Variants in TMEFF2 observed in about 807,000 individuals in gnomAD.
The protein encoded by TMEFF2 is transmembrane protein with EGF like and two follistatin like domains 2.
Under a neutral mutation model 53.8 loss-of-function variants are expected in TMEFF2, and 28 were observed. That is an observed-to-expected ratio of 0.52 (90% CI 0.39 to 0.71). The LOEUF (loss-of-function observed/expected upper bound fraction) is 0.71. Among genes scored for constraint, TMEFF2 ranks in the 30% least tolerant of loss-of-function variants. The pLI, the probability that TMEFF2 is intolerant of heterozygous loss-of-function variation, is 0.00. For synonymous variants in TMEFF2, 162 were observed against 166.3 expected, an observed-to-expected ratio of 0.97 and a Z score of 0.20; for missense variants, 353 against 455.2, an observed-to-expected ratio of 0.78 and a Z score of 2.04.
At chr2:192,193,823 C>T (rs1445866902) in intron 1 of TMEFF2, among the ~76,000 whole-genome samples, 1 of 137,324 alleles carries the variant, frequency 7.3e-6, no homozygotes, top group Non-Finnish European at 1.6e-5. Flanking sequence ...CTATTGAAAC[C>T]CAGCTCCTCT....
chr2:192,137,779 T>TTA (rs150700355), intron 4 of TMEFF2, among the ~76,000 whole-genome samples: 3 of 148,196 alleles, frequency 2.0e-5, no homozygotes, highest in Non-Finnish European at 4.5e-5. Context: ...TGTAATCTAT[T>TTA]TATATATATA....
chr2:191,953,232 G>A (rs1287363145), intron 9 of TMEFF2, among the ~76,000 whole-genome samples: 1 of 152,258 alleles, frequency 6.6e-6, no homozygotes, highest in Non-Finnish European at 1.5e-5. Flanking sequence ...TGATATAAAA[G>A]GTTGTTGTGA....
At chr2:192,052,042 A>G (rs956294084) in intron 5 of TMEFF2, among the ~76,000 whole-genome samples, 7 of 152,246 alleles carry the variant, frequency 4.6e-5, no homozygotes, top group African/African-American at 1.7e-4. Flanking sequence ...CAAAATGACT[A>G]CTAAGGAGTT....
At chr2:192,137,058 G>T (rs1309048163) in intron 4 of TMEFF2, among the ~76,000 whole-genome samples, 1 of 152,180 alleles carries the variant, frequency 6.6e-6, no homozygotes, top group African/African-American at 2.4e-5. Context: ...TACCGTTAAG[G>T]ATAAAGGATA....
At position 191,949,851 on chromosome 2, in the gene TMEFF2, T is replaced by G. The variant is rs1019987218; in HGVS notation, c.*460A>C. 9.1e-6 allele frequency: 9 copies of G among 985,892 alleles called. No homozygotes were observed. The African/African-American group carries it at 1.2e-4, about 13-fold the overall frequency. 61.1% of individuals were successfully genotyped at this position (985,892 alleles called of 1,614,324 possible). On this transcript the variant is annotated 3_prime_UTR_variant, in exon 10 of 10. Coordinates refer to ENST00000272771, the MANE Select transcript of TMEFF2 (RefSeq NM_016192.4). ...TATTTTTTCTCTTTTCCAATAACCA[T>G]CATTTCCCTTGATCTTGGAATCATT...
intron 7 of TMEFF2, among the ~76,000 whole-genome samples, chr2:191,972,296 C>T (rs1316233442): frequency 6.8e-6 from 1 of 147,694 alleles, no homozygotes; most frequent in Non-Finnish European, 1.5e-5. Context: ...AGGCACCCAC[C>T]ATCATGCCCA....
chr2:192,004,233 C>A (rs972627516), intron 5 of TMEFF2, among the ~76,000 whole-genome samples: 7 of 152,004 alleles, frequency 4.6e-5, no homozygotes, highest in African/African-American at 1.7e-4. Flanking sequence ...AGAGGGGGTT[C>A]CTGAAGAACT....
At chr2:192,165,947 C>CA (rs1690754548) in intron 4 of TMEFF2, among the ~76,000 whole-genome samples, 2 of 152,058 alleles carry the variant, frequency 1.3e-5, no homozygotes, top group African/African-American at 4.8e-5. Context: ...GTTTTTGAAA[C>CA]ATTATTCAGT....
chr2:192,101,920 C>G (rs1218833604), intron 4 of TMEFF2, among the ~76,000 whole-genome samples: 2 of 152,104 alleles, frequency 1.3e-5, no homozygotes, highest in African/African-American at 4.8e-5. Flanking sequence ...AAGTTCTGTG[C>G]TTTACAGTTT....
At chr2:191,964,378 CTT>C (rs1284502286) in intron 7 of TMEFF2, among the ~76,000 whole-genome samples, 1,802 of 23,980 alleles carry the variant, frequency 0.075, 13 homozygotes, top group East Asian at 0.16. Context: ...CTTTCTCTTT[CTT>C]TCTTTCTTTC....
intron 5 of TMEFF2, chr2:192,037,852 A>G (rs1183907627): frequency 6.6e-6 from 1 of 152,134 alleles, no homozygotes; most frequent in Non-Finnish European, 1.5e-5. Flanking sequence ...TCTTAATTCT[A>G]CCTTGACTTC....
At chr2:191,970,737 C>G (rs1053201391) in intron 7 of TMEFF2, among the ~76,000 whole-genome samples, 27 of 151,946 alleles carry the variant, frequency 1.8e-4, no homozygotes, top group African/African-American at 5.1e-4. Context: ...ATTTACCAAT[C>G]AAACTCATAT....
At chr2:192,188,678 C>T (rs551776066) in intron 2 of TMEFF2, among the ~76,000 whole-genome samples, 1 of 152,202 alleles carries the variant, frequency 6.6e-6, no homozygotes, top group East Asian at 1.9e-4. Context: ...TTAGGTAATA[C>T]CTGAAAAACA....
intron 7 of TMEFF2, among the ~76,000 whole-genome samples, chr2:191,962,276 CAG>C (rs1350146460): frequency 4.6e-5 from 7 of 152,236 alleles, no homozygotes; most frequent in East Asian, 1.9e-4. Flanking sequence ...TGCAAACAAA[CAG>C]AAATTCCTCT....
chr2:192,159,326 A>C (rs1041964391), intron 4 of TMEFF2, among the ~76,000 whole-genome samples: 22 of 152,260 alleles, frequency 1.4e-4, no homozygotes, highest in African/African-American at 5.3e-4. Context: ...CATTTGACAA[A>C]TAGATTGTCT....
At chr2:191,977,414 G>T (rs1244130478) in intron 7 of TMEFF2, among the ~76,000 whole-genome samples, 1 of 152,208 alleles carries the variant, frequency 6.6e-6, no homozygotes, top group Non-Finnish European at 1.5e-5. Flanking sequence ...GTCATTGCTG[G>T]CATTTTGTGG....
chr2:192,147,582 T>C (rs1328812358), intron 4 of TMEFF2, among the ~76,000 whole-genome samples: 2 of 151,974 alleles, frequency 1.3e-5, no homozygotes, highest in African/African-American at 4.8e-5. Context: ...CATGCAGTGT[T>C]TGGTTTTTTG....
chr2:192,120,991 C>A (rs1252515252), intron 4 of TMEFF2, among the ~76,000 whole-genome samples: 1 of 152,084 alleles, frequency 6.6e-6, no homozygotes, highest in Non-Finnish European at 1.5e-5. Flanking sequence ...GCCTCAGCCT[C>A]CCAAAGTGCT....
At chr2:192,044,272 G>C (rs1300764760) in intron 5 of TMEFF2, 2 of 152,166 alleles carry the variant, frequency 1.3e-5, no homozygotes, top group African/African-American at 4.8e-5. Flanking sequence ...TTGACGTAGT[G>C]AGCAAGAAGT....
Sources: allele counts gnomAD v4.1 joint callset (sites outside exome capture counted in the v4.1 genomes callset), GRCh38; gene constraint gnomAD v4.1.1; transcripts MANE v1.5; gene names NCBI Gene and HGNC (gene_info 2026-07-23, HGNC 2026-07-21).